The following IL31RA variants were observed in gnomAD, a reference collection of about 807,000 sequenced individuals.
IL31RA encodes the protein interleukin-31 receptor subunit alpha.
In IL31RA, 66 loss-of-function variants were observed where a neutral mutation model predicts 83.7. The ratio of observed to expected loss-of-function variants is 0.79; its 90% CI spans 0.65 to 0.97. The LOEUF (loss-of-function observed/expected upper bound fraction) is 0.97. Ranked by LOEUF, IL31RA falls within the 50% of genes least tolerant of loss-of-function variation. The pLI is 0.00. For synonymous variants in IL31RA, 325 were observed against 329.0 expected, an observed-to-expected ratio of 0.99 and a Z score of 0.13; for missense variants, 798 against 919.4, an observed-to-expected ratio of 0.87 and a Z score of 1.71.
intron 4 of IL31RA, among the ~76,000 whole-genome samples, chr5:55,876,176 G>C (rs1050246280): frequency 6.6e-6 from 1 of 152,172 alleles, no homozygotes; most frequent in African/African-American, 2.4e-5. Context: ...GGGAGGCTGA[G>C]GCGGGCAAAT....
intron 6 of IL31RA, among the ~76,000 whole-genome samples, chr5:55,894,481 T>C (rs1748211813): frequency 6.6e-6 from 1 of 152,246 alleles, no homozygotes; most frequent in East Asian, 1.9e-4. Context: ...TGAAATAATA[T>C]GTAAAGTCAA....
intron 2 of IL31RA, among the ~76,000 whole-genome samples, chr5:55,861,498 G>T (rs1409573020): frequency 6.6e-6 from 1 of 152,192 alleles, no homozygotes; most frequent in Non-Finnish European, 1.5e-5. Context: ...ATAATCTAAT[G>T]CCTGATGATC....
intron 8 of IL31RA, chr5:55,902,562 A>C (rs772617872): frequency 6.6e-6 from 1 of 152,182 alleles, no homozygotes; most frequent in East Asian, 1.9e-4. Context: ...GCTTGAGCCA[A>C]AGAGGTTGAG....
chr5:55,841,192 T>A, the IL31RA span, among the ~76,000 whole-genome samples: 72 of 152,324 alleles, frequency 4.7e-4, no homozygotes, highest in South Asian at 0.012. Flanking sequence ...AAACAATCAA[T>A]GTGCTATATT....
At chr5:55,864,642 C>T (rs533806886) in intron 2 of IL31RA, among the ~76,000 whole-genome samples, 6 of 150,844 alleles carry the variant, frequency 4.0e-5, no homozygotes, top group East Asian at 1.9e-4. Context: ...CACACGCACA[C>T]ACCAACACGC....
intron 12 of IL31RA, among the ~76,000 whole-genome samples, chr5:55,911,414 C>T (rs1248864899): frequency 6.6e-6 from 1 of 152,168 alleles, no homozygotes; most frequent in African/African-American, 2.4e-5. Context: ...CACTGTACAA[C>T]AGGGCCTTCA....
chr5:55,865,413 C>T (rs1745994849), intron 2 of IL31RA, among the ~76,000 whole-genome samples: 1 of 152,098 alleles, frequency 6.6e-6, no homozygotes, highest in South Asian at 2.1e-4. Flanking sequence ...AGCCATCTAG[C>T]TCTCCCTCAC....
In IL31RA at chr5:55,851,407, G is replaced by A; in HGVS notation, c.-164G>A. ...CAGACAGCACTCCAGCACTCTGCTT[G>A]GGGGGCATTCGAAACAGCAAAATCA... On this transcript the variant is annotated 5_prime_UTR_variant, in exon 1 of 15. Transcript: ENST00000652347. 1 of 1,210,458 alleles carries A rather than the reference G, an allele frequency of 8.3e-7. No individual in the cohort carries two copies. The highest frequency in any genetic ancestry group is 2.5e-5 in the East Asian group (1 of 39,422). 75.0% of individuals were successfully genotyped at this position (1,210,458 alleles called of 1,614,324 possible).
chr5:55,886,756 A>G (rs150121604), intron 5 of IL31RA, among the ~76,000 whole-genome samples: 3 of 152,274 alleles, frequency 2.0e-5, no homozygotes, highest in African/African-American at 7.2e-5. Context: ...CTCTCTGGTC[A>G]TTCTGAATTG....
At chr5:55,884,559 C>T (rs1447450973) in intron 5 of IL31RA, among the ~76,000 whole-genome samples, 4 of 152,112 alleles carry the variant, frequency 2.6e-5, no homozygotes, top group Admixed American at 6.6e-5. Flanking sequence ...CTCAGCCTCT[C>T]GAGCAGCTAG....
chr5:55,840,328 T>G, the IL31RA span, among the ~76,000 whole-genome samples: 1 of 152,188 alleles, frequency 6.6e-6, no homozygotes, highest in African/African-American at 2.4e-5. Context: ...AACCTGTTGT[T>G]AAACATTTAC....
At chr5:55,869,292 G>T (rs1220498255) in intron 3 of IL31RA, among the ~76,000 whole-genome samples, 4 of 152,126 alleles carry the variant, frequency 2.6e-5, no homozygotes, top group African/African-American at 9.7e-5. Context: ...AATTGACCAT[G>T]GTCTGCCACT....
intron 4 of IL31RA, among the ~76,000 whole-genome samples, chr5:55,878,699 G>GCTGGACAACAGTGGAGTTCAGTGATGCC (rs1163491949): frequency 1.3e-5 from 2 of 151,970 alleles, no homozygotes; most frequent in Non-Finnish European, 2.9e-5. Flanking sequence ...TGTTGCCCAG[G>GCTGGACAACAGTGGAGTTCAGTGATGCC]CTGGAGTTCA....
intron 2 of IL31RA, among the ~76,000 whole-genome samples, chr5:55,864,786 ACACT>A (rs1416827537): frequency 6.6e-6 from 1 of 151,128 alleles, no homozygotes; most frequent in Admixed American, 6.6e-5. Flanking sequence ...CATACCACAC[ACACT>A]CTACACACAC....
Position 55,920,427 on chromosome 5 carries a change from A to G in IL31RA, c.*3307A>G, listed in dbSNP as rs1305414414. Reference sequence around the variant, plus strand: ...TGACCTATTTAATGGTTGAAAACAAAAAGAATAACATTTTGTGACAAGAAA... The same window carrying G: ...TGACCTATTTAATGGTTGAAAACAAGAAGAATAACATTTTGTGACAAGAAA... On this transcript the variant is annotated 3_prime_UTR_variant, in exon 15 of 15. Transcript: ENST00000652347. 6.6e-6 allele frequency among the ~76,000 whole-genome samples: 1 copy of G among 152,272 alleles called. No homozygotes were observed. Among genetic ancestry groups the G allele is most frequent in the African/African-American group, 2.4e-5 (1 of 41,480 alleles).
At chr5:55,860,716 A>G (rs1745626104) in intron 2 of IL31RA, among the ~76,000 whole-genome samples, 2 of 152,224 alleles carry the variant, frequency 1.3e-5, no homozygotes, top group South Asian at 2.1e-4. Context: ...GTTTGATTAT[A>G]TCTTAAGTTT....
chr5:55,921,232 T>A lies in IL31RA; in HGVS notation c.*4112T>A, dbSNP rs918941473. The stretch of plus-strand genomic sequence containing the variant: ...AGTTTTAAATAGCAATTATTTGTCA[T>A]GCTTAATTAACTCCTAACATGATCT... On this transcript the variant is annotated 3_prime_UTR_variant, in exon 15 of 15. Coordinates refer to ENST00000652347, the MANE Select transcript of IL31RA (RefSeq NM_139017.7). Among the ~76,000 whole-genome samples, 2 of 152,250 alleles carry A rather than the reference T, an allele frequency of 1.3e-5. No homozygotes were observed. Among genetic ancestry groups the A allele is most frequent in the Non-Finnish European group, 2.9e-5 (2 of 68,048 alleles).
intron 4 of IL31RA, among the ~76,000 whole-genome samples, chr5:55,878,349 A>G (rs1458910673): frequency 6.6e-6 from 1 of 152,212 alleles, no homozygotes; most frequent in East Asian, 1.9e-4. Flanking sequence ...GGCTTCCTCA[A>G]GGACAGTTTC....
chr5:55,859,972 T>G (rs999423521), intron 2 of IL31RA, among the ~76,000 whole-genome samples: 2 of 152,206 alleles, frequency 1.3e-5, no homozygotes, highest in Non-Finnish European at 2.9e-5. Flanking sequence ...ACATTTTTCC[T>G]TCACATATAT....
Sources: allele counts gnomAD v4.1 joint callset (sites outside exome capture counted in the v4.1 genomes callset), GRCh38; gene constraint gnomAD v4.1.1; transcripts MANE v1.5; gene names NCBI Gene and HGNC (gene_info 2026-07-23, HGNC 2026-07-21).